ASAH2: variants seen among roughly 807,000 people sequenced by gnomAD.
The protein encoded by ASAH2 is N-acylsphingosine amidohydrolase 2, also known as neutral ceramidase.
A neutral mutation model predicts 82.9 loss-of-function variants in ASAH2; 58 were observed. That is an observed-to-expected ratio of 0.70 (90% confidence interval 0.57 to 0.87). ASAH2 has a LOEUF of 0.87. Ranked by LOEUF, ASAH2 falls within the 40% of genes least tolerant of loss-of-function variation. ASAH2 has a pLI of 0.00. For synonymous variants in ASAH2, 276 were observed against 289.7 expected, an observed-to-expected ratio of 0.95 and a Z score of 0.48; for missense variants, 779 against 834.0, an observed-to-expected ratio of 0.93 and a Z score of 0.81.
chr10:50,239,619 C>G (rs1038676469), intron 4 of ASAH2, among the ~76,000 whole-genome samples: 38 of 152,100 alleles, frequency 2.5e-4, no homozygotes, highest in African/African-American at 8.9e-4. Context: ...CAGTTCCTAG[C>G]TGTGCAACCT....
chr10:50,215,992 T>C (rs1162713629), intron 8 of ASAH2, among the ~76,000 whole-genome samples: 3 of 152,130 alleles, frequency 2.0e-5, no homozygotes, highest in Non-Finnish European at 2.9e-5. Context: ...TAAAAAAGGA[T>C]GAGTTCATAT....
At chr10:50,209,792 G>A (rs1389354543) in intron 12 of ASAH2, among the ~76,000 whole-genome samples, 1 of 152,112 alleles carries the variant, frequency 6.6e-6, no homozygotes, top group Non-Finnish European at 1.5e-5. Flanking sequence ...AAAGGTGTTT[G>A]ACATCATTAA....
intron 2 of ASAH2, among the ~76,000 whole-genome samples, chr10:50,247,135 A>G (rs754583371): frequency 4.0e-5 from 6 of 151,852 alleles, no homozygotes; most frequent in Non-Finnish European, 7.4e-5. Flanking sequence ...TAATTTTAAG[A>G]GCTAAAACTG....
chr10:50,246,084 A>G (rs554890646), intron 2 of ASAH2, among the ~76,000 whole-genome samples: 1 of 152,350 alleles, frequency 6.6e-6, no homozygotes, highest in South Asian at 2.1e-4. Context: ...ATGTATTTAT[A>G]CACATATATT....
At chr10:50,224,480 T>A (rs1270159037) in intron 7 of ASAH2, among the ~76,000 whole-genome samples, 1 of 152,120 alleles carries the variant, frequency 6.6e-6, no homozygotes, top group African/African-American at 2.4e-5. Flanking sequence ...TCAACCCACA[T>A]GGTATGGGCA....
rs1395180965 is a variant in ASAH2, at chr10:50,244,686, A to G, written c.360+536T>C. ...AACCTAGGTTTCCAGTTTTAGCTAG[A>G]GTTGCCTTTATTTTTTAAGTAAGAG... On this transcript the variant is annotated intron_variant, in intron 3 of 20. Coordinates refer to ENST00000682911, the MANE Select transcript of ASAH2 (RefSeq NM_019893.4). Among the ~76,000 whole-genome samples, 4 of 152,336 alleles carry G rather than the reference A, an allele frequency of 2.6e-5. No homozygotes were observed. In the South Asian group the frequency reaches 8.3e-4, roughly 32 times the overall value.
chr10:50,230,628 C>T (rs1328135929), intron 7 of ASAH2, among the ~76,000 whole-genome samples: 3 of 152,238 alleles, frequency 2.0e-5, no homozygotes, highest in Admixed American at 2.0e-4. Flanking sequence ...AAAAGCTTTG[C>T]TATAACCTTG....
Position 50,202,929 on chromosome 10 carries a change from G to C in ASAH2, c.1666-5C>G. On this transcript the variant is annotated splice_polypyrimidine_tract_variant and splice_region_variant and intron_variant, in intron 15 of 20. Coordinates refer to ENST00000682911, the MANE Select transcript of ASAH2 (RefSeq NM_019893.4). ...CATCCCATGAGATGCAAATTCCTAG[G>C]AGAGAAAGGTAAAACCCAATAAAAT... 6.3e-7 allele frequency: 1 copy of C among 1,591,872 alleles called. No homozygotes were observed. The highest frequency in any genetic ancestry group is 8.6e-7 in the Non-Finnish European group (1 of 1,160,272).
Position 50,243,335 on chromosome 10 carries a change from G to C in ASAH2, c.377C>G (p.Ser126Cys). ...ADINLMGYGK[S>C]GQNAQGILTR... ...GAGGATGCCCTGTGCATTCTGGCCG[G>C]ATTTGCCATAGCCCATCTAAAGAGG... The change falls in exon 4 of 21, where the codon TCC (serine) becomes TGC (cysteine). Residue 126 changes from serine to cysteine, a missense_variant. Around this residue, in one of 3 missense-constraint regions of ASAH2, gnomAD observed 759 missense variants for 755.2 expected, o/e 1.00. Transcript: ENST00000682911. 6.2e-7 allele frequency: 1 copy of C among 1,613,996 alleles called. No individual in the cohort carries two copies. The highest frequency in any genetic ancestry group is 8.5e-7 in the Non-Finnish European group (1 of 1,179,932).
intron 18 of ASAH2, among the ~76,000 whole-genome samples, chr10:50,196,029 A>C (rs1844969727): frequency 1.3e-5 from 2 of 151,854 alleles, no homozygotes; most frequent in African/African-American, 2.4e-5. Context: ...TGTTTTAAAA[A>C]TTGTTAAGAA....
chr10:50,250,940 T>A (rs1846598561), intron 1 of ASAH2, among the ~76,000 whole-genome samples: 1 of 152,230 alleles, frequency 6.6e-6, no homozygotes, highest in Non-Finnish European at 1.5e-5. Flanking sequence ...AGTAACATTC[T>A]TTTTGAACCA....
intron 1 of ASAH2, among the ~76,000 whole-genome samples, chr10:50,249,018 C>T (rs1371327817): frequency 4.6e-5 from 7 of 152,142 alleles, no homozygotes; most frequent in Non-Finnish European, 7.3e-5. Context: ...GCTGAGAGTG[C>T]CTCTGTTAAC....
intron 7 of ASAH2, among the ~76,000 whole-genome samples, chr10:50,231,998 T>A (rs1846032220): frequency 1.3e-5 from 2 of 152,134 alleles, no homozygotes; most frequent in South Asian, 2.1e-4. Flanking sequence ...AAGGTCTAAG[T>A]GAATTAAGTT....
Position 50,233,281 on chromosome 10 carries a change from AG to A in ASAH2, c.816-21del, listed in dbSNP as rs1362100419. 1 of 1,549,572 alleles carries A rather than the reference AG, an allele frequency of 6.5e-7. No individual in the cohort carries two copies. The stretch of plus-strand genomic sequence containing the variant: ...GAATACCTAGTCAGTAAAACAGAAA[AG>A]CACAGTCAGTTCTGTGTTAGAGCCT... On this transcript the variant is annotated intron_variant, in intron 6 of 20. Transcript: ENST00000682911.
At chr10:50,205,238 T>C (rs1845263917) in intron 13 of ASAH2, among the ~76,000 whole-genome samples, 1 of 152,076 alleles carries the variant, frequency 6.6e-6, no homozygotes, top group African/African-American at 2.4e-5. Context: ...ACTATTCTTA[T>C]ACACAATAAA....
intron 1 of ASAH2, among the ~76,000 whole-genome samples, 172 bp downstream of exon 1, chr10:50,251,223 A>C (rs1846605046): frequency 6.6e-6 from 1 of 152,224 alleles, no homozygotes; most frequent in South Asian, 2.1e-4. Flanking sequence ...ATCTTCACAT[A>C]ACGGGGTCCC....
At chr10:50,249,281 A>G (rs1279807637) in intron 1 of ASAH2, among the ~76,000 whole-genome samples, 3 of 152,182 alleles carry the variant, frequency 2.0e-5, no homozygotes, top group Non-Finnish European at 4.4e-5. Context: ...GATCAGAAGG[A>G]TCCCAAACAC....
rs967415400 is a variant in ASAH2 at position 50,218,637 on chromosome 10, A to G, written c.894-7T>C. On this transcript the variant is annotated splice_region_variant and splice_polypyrimidine_tract_variant and intron_variant, in intron 7 of 20. Transcript: ENST00000682911. ...CGGGTGGATGGCAAACCAGCTGTAA[A>G]AGAGCAAGAAGCTCTAAATTAATCA... The G allele has an allele frequency of 5.6e-6, 9 of 1,613,650 alleles. No homozygotes were observed. In the African/African-American group the frequency reaches 1.2e-4, roughly 22 times the overall value.
intron 12 of ASAH2, 21 bp from the exon 13 acceptor site, chr10:50,206,118 A>T (rs1845288879): frequency 3.3e-6 from 5 of 1,534,088 alleles, no homozygotes; most frequent in Non-Finnish European, 4.5e-6. Context: ...TGTTATAATT[A>T]GTATACTTCC....
Sources: allele counts gnomAD v4.1 joint callset (sites outside exome capture counted in the v4.1 genomes callset), GRCh38; gene constraint gnomAD v4.1.1; regional missense constraint gnomAD v4.1.1; transcripts MANE v1.5; gene names NCBI Gene and HGNC (gene_info 2026-07-23, HGNC 2026-07-21).